Variants in LMO7 observed in about 807,000 individuals in gnomAD.
LMO7 encodes the protein LIM domain 7.
In LMO7, 120 loss-of-function variants were observed where a neutral mutation model predicts 206.5. The observed-to-expected ratio is 0.58, with a 90% CI of 0.50 to 0.68. The LOEUF is 0.68. LMO7 is among the 30% of genes least tolerant of loss of function. The pLI, the probability that LMO7 is intolerant of heterozygous loss-of-function variation, is 0.00. For synonymous variants in LMO7, 706 were observed against 681.5 expected (o/e 1.04, Z -0.56); for missense variants, 1,959 against 1,957.9 (o/e 1.00, Z -0.01).
At chr13:75,801,638 A>G (rs1276776971) in intron 7 of LMO7, among the ~76,000 whole-genome samples, 1 of 152,132 alleles carries the variant, frequency 6.6e-6, no homozygotes, top group African/African-American at 2.4e-5. Flanking sequence ...CTGAGTGTAC[A>G]TCTCCAGCTA....
chr13:75,628,897 A>G (rs989325474), intron 2 of LMO7, among the ~76,000 whole-genome samples: 2 of 152,226 alleles, frequency 1.3e-5, no homozygotes, highest in African/African-American at 4.8e-5. Context: ...TGCTGCAAGA[A>G]ACTTGGGCCT....
intron 15 of LMO7, among the ~76,000 whole-genome samples, chr13:75,830,043 C>G (rs1463618266): frequency 6.6e-6 from 1 of 152,144 alleles, no homozygotes; most frequent in Non-Finnish European, 1.5e-5. Context: ...AATTTATATT[C>G]CTGTTCCATC....
chr13:75,781,884 T>G (rs2051510226), intron 4 of LMO7, among the ~76,000 whole-genome samples: 1 of 152,246 alleles, frequency 6.6e-6, no homozygotes, highest in African/African-American at 2.4e-5. Context: ...CCAGTGATGA[T>G]GAGCATTTTT....
At chr13:75,744,284 A>G (rs78056529) in intron 3 of LMO7, among the ~76,000 whole-genome samples, 2,449 of 152,284 alleles carry the variant, frequency 0.016, 54 homozygotes, top group African/African-American at 0.047. Flanking sequence ...AGAAACTGCT[A>G]TTTTATTTCT....
At chr13:75,751,540 G>A (rs534557620) in intron 3 of LMO7, among the ~76,000 whole-genome samples, 58 of 152,250 alleles carry the variant, frequency 3.8e-4, no homozygotes, top group Middle Eastern at 3.4e-3. Context: ...ATCATGACAA[G>A]AGTATTTGGT....
chr13:75,747,964 G>A (rs1037466710), intron 3 of LMO7, among the ~76,000 whole-genome samples: 1 of 152,182 alleles, frequency 6.6e-6, no homozygotes, highest in Non-Finnish European at 1.5e-5. Context: ...AGGAGAGCTA[G>A]TTGGGCACCT....
intron 1 of LMO7, among the ~76,000 whole-genome samples, chr13:75,700,888 CTG>C (rs2042242709): frequency 6.6e-6 from 1 of 152,184 alleles, no homozygotes; most frequent in Non-Finnish European, 1.5e-5. Context: ...TATTTCTGGA[CTG>C]TGGTTGACTG....
intron 27 of LMO7, among the ~76,000 whole-genome samples, chr13:75,852,461 C>T (rs1323156543): frequency 6.6e-6 from 1 of 152,038 alleles, no homozygotes; most frequent in Non-Finnish European, 1.5e-5. Context: ...ATGTAACAAA[C>T]CTGCACGTGT....
At chr13:75,712,884 G>A (rs886898281) in intron 1 of LMO7, among the ~76,000 whole-genome samples, 6 of 152,048 alleles carry the variant, frequency 3.9e-5, no homozygotes, top group African/African-American at 1.4e-4. Flanking sequence ...TATAAAATAT[G>A]TTGAAAATTT....
chr13:75,798,969 C>T (rs2054383113), intron 6 of LMO7, among the ~76,000 whole-genome samples: 1 of 152,214 alleles, frequency 6.6e-6, no homozygotes, highest in Non-Finnish European at 1.5e-5. Flanking sequence ...GATCTAAACG[C>T]TTAAATTTAA....
intron 11 of LMO7, among the ~76,000 whole-genome samples, chr13:75,813,411 C>T (rs1169356466): frequency 6.6e-6 from 1 of 152,154 alleles, no homozygotes; most frequent in Non-Finnish European, 1.5e-5. Context: ...CCTCACTTAG[C>T]AGGTGAGAAA....
intron 3 of LMO7, among the ~76,000 whole-genome samples, chr13:75,732,748 G>A (rs917289472): frequency 6.6e-6 from 1 of 152,132 alleles, no homozygotes; most frequent in African/African-American, 2.4e-5. Context: ...CCCCATCTTT[G>A]TGGTTTTGTC....
intron 3 of LMO7, among the ~76,000 whole-genome samples, chr13:75,728,433 T>C (rs1326512477): frequency 6.6e-6 from 1 of 151,614 alleles, no homozygotes; most frequent in Non-Finnish European, 1.5e-5. Context: ...TTTTGAGAAG[T>C]GTCTGTCCAT....
intron 1 of LMO7, among the ~76,000 whole-genome samples, chr13:75,646,577 T>G (rs1445350559): frequency 3.0e-5 from 1 of 33,848 alleles, no homozygotes; most frequent in African/African-American, 9.3e-5. Context: ...AGAGAGAACT[T>G]TTTTTTTTTT....
chr13:75,809,765 A>T (rs1015132647), intron 11 of LMO7, among the ~76,000 whole-genome samples: 2 of 152,132 alleles, frequency 1.3e-5, no homozygotes, highest in African/African-American at 4.8e-5. Context: ...TTATAGTGCA[A>T]AATAGACCTT....
At chr13:75,658,825 A>T (rs1328241333) in intron 1 of LMO7, among the ~76,000 whole-genome samples, 1 of 151,776 alleles carries the variant, frequency 6.6e-6, no homozygotes, top group Admixed American at 6.6e-5. Context: ...TCCTGACCTC[A>T]TGATCCTCCT....
In LMO7 at chr13:75,694,873, G is replaced by A. The variant is rs115064319; in HGVS notation, c.70-18309G>A. 4.9e-3 allele frequency among the ~76,000 whole-genome samples: 749 copies of A among 152,276 alleles called. 2 individuals are homozygous for A. The highest frequency in any genetic ancestry group is 0.016 in the African/African-American group (656 of 41,552). On this transcript the variant is annotated intron_variant, in intron 1 of 30. Coordinates refer to ENST00000377534, the MANE Select transcript of LMO7 (RefSeq NM_001306080.2). ...TCCTTGAACGAACAAAGTTTGAAACGTTAGAGGAAGAGCACCTAGCCGGTG... is the reference window on the plus strand; with the variant it reads ...TCCTTGAACGAACAAAGTTTGAAACATTAGAGGAAGAGCACCTAGCCGGTG...
At position 75,799,769 on chromosome 13, in the gene LMO7, C is replaced by G. The variant is rs147652403; in HGVS notation, c.463-915C>G. 1.8e-4 allele frequency among the ~76,000 whole-genome samples: 27 copies of G among 152,220 alleles called. 1 individual carries two copies. Among genetic ancestry groups the G allele is most frequent in the African/African-American group, 5.8e-4 (24 of 41,532 alleles). On this transcript the variant is annotated intron_variant, in intron 6 of 30. Transcript: ENST00000377534. ...TCACCATATTAAAAAATTATAGTTA[C>G]GAGATATTCATGATTACTGTAAGTC...
intron 1 of LMO7, among the ~76,000 whole-genome samples, chr13:75,677,560 C>T (rs934240264): frequency 6.6e-6 from 1 of 151,840 alleles, no homozygotes; most frequent in African/African-American, 2.4e-5. Flanking sequence ...GCCAAATTTC[C>T]TAAATTGGAA....
Sources: allele counts gnomAD v4.1 joint callset (sites outside exome capture counted in the v4.1 genomes callset), GRCh38; gene constraint gnomAD v4.1.1; transcripts MANE v1.5; gene names NCBI Gene and HGNC (gene_info 2026-07-23, HGNC 2026-07-21).